Variants in COBLL1 observed in about 807,000 individuals in gnomAD.
The protein encoded by COBLL1 is cordon-bleu WH2 repeat protein like 1.
A neutral mutation model predicts 94.8 loss-of-function variants in COBLL1; 50 were observed. That is an observed-to-expected ratio of 0.53 (90% CI 0.42 to 0.67). The LOEUF (loss-of-function observed/expected upper bound fraction) is 0.67, where lower values mean the gene tolerates loss of function less well. COBLL1 is among the 30% of genes least tolerant of loss of function. The probability of loss-of-function intolerance (pLI) is 0.00; values close to 1 mark genes in which losing one functional copy is unlikely to be tolerated. For synonymous variants in COBLL1, 448 were observed against 473.8 expected, an observed-to-expected ratio of 0.95 and a Z score of 0.71; for missense variants, 1,362 against 1,348.7, an observed-to-expected ratio of 1.01 and a Z score of -0.15.
At chr2:164,796,561 A>G (rs1181458264) in intron 2 of COBLL1, among the ~76,000 whole-genome samples, 1 of 151,994 alleles carries the variant, frequency 6.6e-6, no homozygotes, top group African/African-American at 2.4e-5. Context: ...AATATCTTCG[A>G]ACTTTCTACA....
In COBLL1 at chr2:164,694,721, C is replaced by T. The variant is rs376126585; in HGVS notation, c.2671G>A (p.Ala891Thr). The change falls in exon 12 of 14, where the codon GCC (alanine) becomes ACC (threonine). Residue 891 changes from alanine to threonine, a missense_variant. Physicochemically the swap from Ala to Thr is moderately conservative, Grantham distance 58. Transcript: ENST00000652658. ...AGTTCTTTTGGAGCAGGATTAGGGG[C>T]AGCATGGACACTCTTGGCAGCTGCA... The part of the protein sequence containing the change: ...TSAAAKSVHA[A>T]PNPAPKELTN... 5.8e-5 allele frequency: 94 copies of T among 1,613,682 alleles called. No homozygotes were observed. The highest frequency in any genetic ancestry group is 1.7e-4 in the Middle Eastern group (1 of 6,056).
At chr2:164,796,118 AAAG>A (rs1302692222) in intron 2 of COBLL1, among the ~76,000 whole-genome samples, 6 of 152,210 alleles carry the variant, frequency 3.9e-5, no homozygotes, top group African/African-American at 1.4e-4. Flanking sequence ...ACACCACCAC[AAAG>A]AAGAAACCAG....
chr2:164,660,101 G>C (rs961405659), intron 2 of COBLL1, among the ~76,000 whole-genome samples: 4 of 152,132 alleles, frequency 2.6e-5, no homozygotes, highest in African/African-American at 4.8e-5. Context: ...TGGAGTCCTA[G>C]GACTGGAAAC....
intron 13 of COBLL1, chr2:164,687,513 G>A (rs984676551): frequency 1.8e-5 from 25 of 1,427,502 alleles, no homozygotes; most frequent in Admixed American, 5.0e-5. Flanking sequence ...TGGTGCGGAC[G>A]GACATGGTAA....
At chr2:164,797,896 C>A (rs1391914191) in intron 2 of COBLL1, among the ~76,000 whole-genome samples, 1 of 152,104 alleles carries the variant, frequency 6.6e-6, no homozygotes, top group Non-Finnish European at 1.5e-5. Context: ...TTAGGGAAAA[C>A]CAGATTGGAA....
At chr2:164,825,512 CA>C (rs1685381110) in intron 2 of COBLL1, among the ~76,000 whole-genome samples, 1 of 152,064 alleles carries the variant, frequency 6.6e-6, no homozygotes, top group South Asian at 2.1e-4. Flanking sequence ...CTGTACAGTA[CA>C]TGGAAATTAT....
intron 13 of COBLL1, chr2:164,687,213 C>CT (rs879090827): frequency 0.06 from 20,518 of 340,420 alleles, 22 homozygotes; most frequent in East Asian, 0.079. Context: ...GACTTTCTTT[C>CT]TTTTTTTTTT....
At position 164,680,681 on chromosome 2, in the gene COBLL1, G is replaced by T. The variant is rs931309272; in HGVS notation, c.*5265C>A. ...AGCTAAGAAAAATACAGGATGCCTA[G>T]TTAGCTTGAACGTCAGATAAACAAT... On this transcript the variant is annotated 3_prime_UTR_variant, in exon 14 of 14. Coordinates refer to ENST00000652658, the MANE Select transcript of COBLL1 (RefSeq NM_001365672.2). The T allele has an allele frequency of 6.6e-6, 1 of 152,104 alleles. No individual in the cohort carries two copies. Among genetic ancestry groups the T allele is most frequent in the African/African-American group, 2.4e-5 (1 of 41,410 alleles). The allele number at this position is 152,104 out of a possible 1,614,324, so 9.4% of individuals were successfully genotyped here.
Position 164,694,768 on chromosome 2 carries a change from ACT to A in COBLL1, c.2622_2623del (p.Arg874SerfsTer19). The A allele has an allele frequency of 6.2e-7, 1 of 1,613,364 alleles. No homozygotes were observed. On this transcript the variant is annotated frameshift_variant, in exon 12 of 14. Transcript: ENST00000652658. LOFTEE classifies it high-confidence loss of function. ...TGCAGATGTCACATAGTGACCCGAT[ACT>A]CTCTTCTGCATCTGCAAAAAAAAAG...
intron 2 of COBLL1, among the ~76,000 whole-genome samples, chr2:164,817,365 A>AAAAT (rs1277295072): frequency 6.8e-6 from 1 of 146,386 alleles, no homozygotes; most frequent in African/African-American, 2.5e-5. Context: ...ATATATTAAA[A>AAAAT]AAAAAAAAAA....
chr2:164,699,363 A>C (rs771698330), intron 11 of COBLL1, 42 bp downstream of exon 11: 115 of 1,281,948 alleles, frequency 9.0e-5, no homozygotes, highest in Non-Finnish European at 1.2e-4. Flanking sequence ...TTGGCACATA[A>C]TAAAAGTAAG....
At chr2:164,763,797 T>C (rs1404428456) in intron 2 of COBLL1, among the ~76,000 whole-genome samples, 2 of 152,166 alleles carry the variant, frequency 1.3e-5, no homozygotes, top group East Asian at 3.8e-4. Context: ...AAAATAAAAA[T>C]GATTACGTGG....
Position 164,692,336 on chromosome 2 carries a change from G to T in COBLL1, c.3185C>A (p.Ser1062Ter), listed in dbSNP as rs753446523. 6.2e-7 allele frequency: 1 copy of T among 1,613,468 alleles called. No homozygotes were observed. The highest frequency in any genetic ancestry group is 8.5e-7 in the Non-Finnish European group (1 of 1,179,576). The part of the protein sequence containing the change: ...SQIPTPTDGP[S>*]FTVMRQSSLT... ...AGAACTTTGTCTCATAACAGTGAAT[G>T]ATGGGCCATCAGTTGGAGTTGGTAT... Residue 1062 changes from serine to a stop codon, truncating the protein, a stop_gained, in exon 13 of 14, where the codon TCA (serine) becomes TAA (stop). Transcript: ENST00000652658. LOFTEE classifies it high-confidence loss of function.
intron 2 of COBLL1, among the ~76,000 whole-genome samples, chr2:164,830,968 C>T (rs1402371038): frequency 1.3e-5 from 2 of 152,212 alleles, no homozygotes; most frequent in African/African-American, 4.8e-5. Flanking sequence ...AGCTTACCCA[C>T]TTTCAGAGAA....
At chr2:164,771,881 GAATAT>G (rs1688222214) in intron 2 of COBLL1, 3 of 151,900 alleles carry the variant, frequency 2.0e-5, no homozygotes, top group Admixed American at 2.0e-4. Flanking sequence ...CATGAAAATG[GAATAT>G]AATTATACTC....
intron 2 of COBLL1, among the ~76,000 whole-genome samples, chr2:164,787,223 A>G (rs916996921): frequency 6.6e-6 from 1 of 152,150 alleles, no homozygotes; most frequent in Non-Finnish European, 1.5e-5. Context: ...TACCTAGCTC[A>G]CTGGCCTTTC....
chr2:164,695,018 G>A lies in COBLL1; in HGVS notation c.2374C>T (p.Pro792Ser), dbSNP rs1333820110. Reference sequence around the variant, plus strand: ...GGCTTCGGTTTAAGGTTTGGCAGTGGCTCTTCTGGGCTTTCAGAAATAGCA... The same window carrying A: ...GGCTTCGGTTTAAGGTTTGGCAGTGACTCTTCTGGGCTTTCAGAAATAGCA... ...DSAISESPEE[P>S]LPNLKPKPNL... Residue 792 changes from proline (P) to serine (S), a missense_variant, in exon 12 of 14, where the codon CCA becomes TCA. Pro to Ser is a moderately conservative substitution (Grantham distance 74, BLOSUM62 -1). Coordinates refer to ENST00000652658, the MANE Select transcript of COBLL1 (RefSeq NM_001365672.2). 3 of 1,613,828 alleles carry A rather than the reference G, an allele frequency of 1.9e-6. No homozygotes were observed. Among genetic ancestry groups the A allele is most frequent in the Non-Finnish European group, 2.5e-6 (3 of 1,179,928 alleles).
chr2:164,676,694 C>CG (rs1691344276), downstream of COBLL1, among the ~76,000 whole-genome samples: 3 of 151,712 alleles, frequency 2.0e-5, no homozygotes, highest in Admixed American at 2.0e-4. Context: ...TTTTTCCCCC[C>CG]CTTTTTCTGC....
At chr2:164,705,559 A>G (rs570425053) in intron 7 of COBLL1, among the ~76,000 whole-genome samples, 2 of 152,158 alleles carry the variant, frequency 1.3e-5, no homozygotes, top group Non-Finnish European at 2.9e-5. Flanking sequence ...AGGTCCTTCA[A>G]GGTCACCTAC....
Sources: allele counts gnomAD v4.1 joint callset (sites outside exome capture counted in the v4.1 genomes callset), GRCh38; gene constraint gnomAD v4.1.1; transcripts MANE v1.5; gene names NCBI Gene and HGNC (gene_info 2026-07-23, HGNC 2026-07-21).